The following MAP4 variants were observed in gnomAD, a reference collection of about 807,000 sequenced individuals.
The protein encoded by MAP4 is microtubule associated protein 4.
A neutral mutation model predicts 170.2 loss-of-function variants in MAP4; 76 were observed. The ratio of observed to expected loss-of-function variants is 0.45; its 90% CI spans 0.37 to 0.54. The LOEUF is 0.54. Ranked by LOEUF, MAP4 falls within the 20% of genes least tolerant of loss-of-function variation. MAP4 has a pLI of 0.00. For missense variants in MAP4, 2,506 were observed against 2,748.0 expected, an observed-to-expected ratio of 0.91 and a Z score of 1.97; for synonymous variants, 909 against 994.5, an observed-to-expected ratio of 0.91 and a Z score of 1.62.
chr3:47,917,535 G>A (rs1446171415), intron 6 of MAP4, among the ~76,000 whole-genome samples: 1 of 148,122 alleles, frequency 6.8e-6, no homozygotes, highest in African/African-American at 2.5e-5. Context: ...GCAATGAACC[G>A]AGATCACGGC....
intron 1 of MAP4, among the ~76,000 whole-genome samples, chr3:48,085,306 C>G: frequency 6.6e-6 from 1 of 151,374 alleles, no homozygotes; most frequent in East Asian, 1.9e-4. Context: ...GAACAAGACA[C>G]TATGAGATTA....
At chr3:47,972,605 G>A (rs910303137) in intron 3 of MAP4, among the ~76,000 whole-genome samples, 25 of 152,092 alleles carry the variant, frequency 1.6e-4, no homozygotes, top group African/African-American at 6.0e-4. Context: ...ATCATAAGTG[G>A]GCTGGGCGCG....
At chr3:48,016,269 C>A (rs1007115123) in intron 1 of MAP4, 65 bp downstream of exon 1, 1 of 145,216 alleles carries the variant, frequency 6.9e-6, no homozygotes, top group Non-Finnish European at 1.5e-5. Flanking sequence ...TATACACTTG[C>A]ACACACATAC....
intron 1 of MAP4, among the ~76,000 whole-genome samples, chr3:48,040,915 G>C (rs1001527465): frequency 6.6e-6 from 1 of 151,682 alleles, no homozygotes; most frequent in Admixed American, 6.6e-5. Flanking sequence ...TAGCCAGGCT[G>C]GTCTTGAACC....
intron 1 of MAP4, among the ~76,000 whole-genome samples, chr3:48,047,060 C>T (rs1164212130): frequency 2.0e-5 from 3 of 151,162 alleles, no homozygotes; most frequent in Non-Finnish European, 4.4e-5. Context: ...CACCACTGCA[C>T]TCCAGCCTGG....
chr3:48,021,625 C>T (rs962569266), intron 1 of MAP4, among the ~76,000 whole-genome samples: 2 of 152,172 alleles, frequency 1.3e-5, no homozygotes. Context: ...GGATTACAGG[C>T]GTGAGACACC....
intron 12 of MAP4, 26 bp downstream of exon 12, chr3:47,875,659 G>A (rs370158189): frequency 2.6e-5 from 41 of 1,592,200 alleles, no homozygotes; most frequent in Admixed American, 3.5e-5. Context: ...AATTTTCCTC[G>A]GCACAGTAGT....
intron 1 of MAP4, among the ~76,000 whole-genome samples, chr3:48,023,803 C>T (rs540602139): frequency 6.6e-6 from 1 of 152,252 alleles, no homozygotes; most frequent in South Asian, 2.1e-4. Flanking sequence ...GACAAACTTA[C>T]ACCACAAATG....
chr3:48,057,639 A>T lies in MAP4; in HGVS notation c.-20+31134T>A, dbSNP rs990501413. Among the ~76,000 whole-genome samples the T allele has an allele frequency of 1.1e-3, 157 of 139,062 alleles. 2 individuals carry two copies. The highest frequency in any genetic ancestry group is 9.1e-3 in the South Asian group (43 of 4,740). The allele number at this position is 139,062 out of a possible 152,430, so 91.2% of individuals were successfully genotyped here. ...TAAATAAATAAATAAATAAAAAAGA[A>T]AAAAAAGAAAAAAAAAAAAAAGTAA... On this transcript the variant is annotated intron_variant, in intron 1 of 18. Transcript: ENST00000360240.
chr3:47,960,305 A>G, intron 3 of MAP4: 1 of 225,188 alleles, frequency 4.4e-6, no homozygotes, highest in South Asian at 8.0e-5. Flanking sequence ...CTGGAGGTTC[A>G]AATCACTGGT....
chr3:47,859,225 C>T (rs561943782), intron 17 of MAP4, among the ~76,000 whole-genome samples: 20 of 152,322 alleles, frequency 1.3e-4, no homozygotes, highest in African/African-American at 4.8e-4. Context: ...GCCCCGCTGT[C>T]CTCTGGTAGG....
intron 1 of MAP4, among the ~76,000 whole-genome samples, chr3:48,065,225 T>C (rs1014237476): frequency 1.3e-5 from 2 of 152,212 alleles, no homozygotes; most frequent in African/African-American, 4.8e-5. Context: ...CTCATAACCA[T>C]GACTAACATT....
At chr3:48,018,057 C>A (rs549757798), upstream of MAP4, among the ~76,000 whole-genome samples, 3 of 152,296 alleles carry the variant, frequency 2.0e-5, no homozygotes, top group Admixed American at 6.5e-5. Flanking sequence ...AATCTAAAAC[C>A]ACTGCTGATC....
chr3:47,908,291 T>C (rs533419119), intron 9 of MAP4, among the ~76,000 whole-genome samples: 1 of 152,164 alleles, frequency 6.6e-6, no homozygotes, highest in East Asian at 1.9e-4. Context: ...ATTACTTGAC[T>C]GAATAGAGCC....
intron 17 of MAP4, among the ~76,000 whole-genome samples, chr3:47,864,119 A>C (rs1322316473): frequency 6.6e-6 from 1 of 152,096 alleles, no homozygotes; most frequent in Admixed American, 6.6e-5. Flanking sequence ...CTGGAACCAC[A>C]GGCACATGCC....
chr3:48,018,228 T>C (rs554814404), upstream of MAP4, among the ~76,000 whole-genome samples: 115 of 152,270 alleles, frequency 7.6e-4, 1 homozygote, highest in Middle Eastern at 7.0e-3. Context: ...TAGTTGTATA[T>C]ACCAGCTCCT....
At chr3:47,993,566 T>A (rs1277830338) in intron 2 of MAP4, among the ~76,000 whole-genome samples, 1 of 152,204 alleles carries the variant, frequency 6.6e-6, no homozygotes, top group Non-Finnish European at 1.5e-5. Context: ...AATGGTTGCA[T>A]CCAGATGAGC....
Position 47,853,146 on chromosome 3 carries a change from C to T in MAP4, c.6886+17G>A, listed in dbSNP as rs747869687. 40 of 1,603,982 alleles carry T rather than the reference C, an allele frequency of 2.5e-5. No individual in the cohort carries two copies. Among genetic ancestry groups the T allele is most frequent in the Admixed American group, 6.8e-5 (4 of 58,770 alleles). ...CAGGGCCCCTGGCTGGCCCTTAGGC[C>T]GAGCCCAGCCACTTACTTGTCTCCT... is the stretch of plus-strand genomic sequence containing the variant. On this transcript the variant is annotated intron_variant, in intron 20 of 20. Coordinates refer to ENST00000683076, the MANE Select transcript of MAP4 (RefSeq NM_001385682.1).
At chr3:47,931,750 C>T (rs2100049976) in intron 3 of MAP4, 1 of 151,458 alleles carries the variant, frequency 6.6e-6, no homozygotes, top group Non-Finnish European at 1.5e-5. Flanking sequence ...TGATCTCAAC[C>T]TCCTCAAGTC....
Sources: allele counts gnomAD v4.1 joint callset (sites outside exome capture counted in the v4.1 genomes callset), GRCh38; gene constraint gnomAD v4.1.1; transcripts MANE v1.5; gene names NCBI Gene and HGNC (gene_info 2026-07-23, HGNC 2026-07-21).